Variants in IGSF10 observed in about 807,000 individuals in gnomAD.
IGSF10 encodes the protein immunoglobulin superfamily member 10, also known as calvaria mechanical force protein 608.
Under a neutral mutation model 128.2 loss-of-function variants are expected in IGSF10, and 126 were observed. The ratio of observed to expected loss-of-function variants is 0.98; its 90% confidence interval spans 0.85 to 1.14. The LOEUF (loss-of-function observed/expected upper bound fraction) is 1.14. IGSF10 is among the 50% of genes most tolerant of loss of function. The pLI is 0.00. For synonymous variants in IGSF10, 1,185 were observed against 1,146.2 expected, an observed-to-expected ratio of 1.03 and a Z score of -0.68; for missense variants, 3,295 against 3,149.8, an observed-to-expected ratio of 1.05 and a Z score of -1.10.
At chr3:151,553,894 A>G in the IGSF10 span, among the ~76,000 whole-genome samples, 1 of 151,938 alleles carries the variant, frequency 6.6e-6, no homozygotes, top group African/African-American at 2.4e-5. Context: ...TGGGAGGAGC[A>G]CTTGAAGACA....
the IGSF10 span, among the ~76,000 whole-genome samples, chr3:151,608,634 CTTTG>C: frequency 2.2e-4 from 33 of 152,234 alleles, 1 homozygote; most frequent in Admixed American, 1.2e-3. Context: ...CTTAACACTT[CTTTG>C]TTTGTTTGTC....
chr3:151,485,852 A>G, the IGSF10 span, among the ~76,000 whole-genome samples: 1 of 152,230 alleles, frequency 6.6e-6, no homozygotes, highest in South Asian at 2.1e-4. Flanking sequence ...AAGTCATACC[A>G]AATTGTGAAG....
At chr3:151,459,416 T>C (rs918323804) in intron 2 of IGSF10, among the ~76,000 whole-genome samples, 3 of 152,242 alleles carry the variant, frequency 2.0e-5, no homozygotes, top group Non-Finnish European at 1.5e-5. Flanking sequence ...AATAAATCTC[T>C]TTCTAACCGG....
chr3:151,433,840 T>C (rs1719797346), downstream of IGSF10: 1 of 152,672 alleles, frequency 6.5e-6, no homozygotes, highest in Non-Finnish European at 1.5e-5. Context: ...ACTGTCAGTG[T>C]CAGTCTTGGT....
At chr3:151,597,207 A>G in the IGSF10 span, among the ~76,000 whole-genome samples, 63 of 152,346 alleles carry the variant, frequency 4.1e-4, no homozygotes, top group African/African-American at 1.5e-3. Flanking sequence ...GGCACTGTGT[A>G]GGTGTTGTGG....
Position 151,445,033 on chromosome 3 carries a change from T to C in IGSF10, c.4948A>G (p.Ile1650Val), listed in dbSNP as rs372904845. 1 of 1,614,100 alleles carries C rather than the reference T, an allele frequency of 6.2e-7. No homozygotes were observed. Among genetic ancestry groups the C allele is most frequent in the Non-Finnish European group, 8.5e-7 (1 of 1,180,036 alleles). The change falls in exon 6 of 8, where the codon ATA (isoleucine) becomes GTA (valine). Residue 1650 changes from isoleucine (I) to valine (V), a missense_variant. By Grantham distance (29) the Ile-to-Val change is conservative. Coordinates refer to ENST00000282466, the MANE Select transcript of IGSF10 (RefSeq NM_178822.5). ...LSRYIFEKPR[I>V]VGGKAASFTI... ...AAACTTGCAGCTTTTCCTCCAACTATCCTGGGCTTTTCAAATATATACCTA... is the reference window on the plus strand; with the variant it reads ...AAACTTGCAGCTTTTCCTCCAACTACCCTGGGCTTTTCAAATATATACCTA...
intron 7 of IGSF10, chr3:151,440,789 C>A (rs1720809554): frequency 2.8e-6 from 1 of 360,414 alleles, no homozygotes; most frequent in Admixed American, 3.2e-5. Flanking sequence ...TTAGAATTTT[C>A]CGGATTAAAG....
At chr3:151,483,769 C>T in the IGSF10 span, among the ~76,000 whole-genome samples, 2 of 152,142 alleles carry the variant, frequency 1.3e-5, no homozygotes, top group African/African-American at 4.8e-5. Flanking sequence ...GCACTCTGGC[C>T]CAGATACTGA....
chr3:151,526,099 G>C, the IGSF10 span, among the ~76,000 whole-genome samples: 2 of 152,160 alleles, frequency 1.3e-5, no homozygotes, highest in African/African-American at 2.4e-5. Context: ...TATTTATCTA[G>C]CACATAACCA....
At chr3:151,476,206 A>G in the IGSF10 span, 3 of 152,210 alleles carry the variant, frequency 2.0e-5, no homozygotes, top group Non-Finnish European at 4.4e-5. Flanking sequence ...GTATAAAAAT[A>G]TGTTTTGAAG....
the IGSF10 span, among the ~76,000 whole-genome samples, chr3:151,483,734 G>A: frequency 6.6e-6 from 1 of 152,174 alleles, no homozygotes; most frequent in Non-Finnish European, 1.5e-5. Context: ...TCTTAGCCAA[G>A]GGAAGCCATT....
Position 151,447,920 on chromosome 3 carries a change from A to T in IGSF10, c.2061T>A (p.Ile687=), listed in dbSNP as rs865803603. ...CACCTGGTGGCTCCTTAAGATGAGCAATAGGATTGGACTCATCAAGTCCAG... is the reference window on the plus strand; with the variant it reads ...CACCTGGTGGCTCCTTAAGATGAGCTATAGGATTGGACTCATCAAGTCCAG... ...EGSGLDESNP[I]AHLKEPPGAQ... is the part of the protein sequence containing the mutation. Residue 687 remains isoleucine, a synonymous_variant, in exon 6 of 8, where the codon ATT becomes ATA. Coordinates refer to ENST00000282466, the MANE Select transcript of IGSF10 (RefSeq NM_178822.5). 1 of 1,614,018 alleles carries T rather than the reference A, an allele frequency of 6.2e-7. No individual in the cohort carries two copies. Among genetic ancestry groups the T allele is most frequent in the East Asian group, 2.2e-5 (1 of 44,886 alleles).
the IGSF10 span, among the ~76,000 whole-genome samples, chr3:151,504,818 A>G: frequency 4.3e-4 from 66 of 152,334 alleles, 1 homozygote; most frequent in South Asian, 0.013. Flanking sequence ...AGCTATAATC[A>G]ATGCAGCTGT....
the IGSF10 span, among the ~76,000 whole-genome samples, chr3:151,579,343 C>A: frequency 6.6e-6 from 1 of 152,092 alleles, no homozygotes; most frequent in African/African-American, 2.4e-5. Flanking sequence ...TGTCAAAAAA[C>A]AATGCAATCA....
At chr3:151,617,225 CTCT>C in the IGSF10 span, among the ~76,000 whole-genome samples, 6 of 126,214 alleles carry the variant, frequency 4.8e-5, no homozygotes, top group South Asian at 2.5e-4. Context: ...CTTCTTCCCC[CTCT>C]TCTTCTTCTT....
chr3:151,594,639 T>A, the IGSF10 span, among the ~76,000 whole-genome samples: 13 of 150,424 alleles, frequency 8.6e-5, no homozygotes, highest in South Asian at 4.2e-4. Context: ...TTTTTTTTTT[T>A]ATCAACTCTT....
At chr3:151,616,523 CA>C in the IGSF10 span, among the ~76,000 whole-genome samples, 4 of 152,012 alleles carry the variant, frequency 2.6e-5, no homozygotes, top group African/African-American at 9.7e-5. Flanking sequence ...CACACACTTC[CA>C]AAATAAATAC....
the IGSF10 span, among the ~76,000 whole-genome samples, chr3:151,585,243 T>A: frequency 6.6e-6 from 1 of 152,210 alleles, no homozygotes. Context: ...GTTGAAATGA[T>A]CATAATTTGG....
the IGSF10 span, among the ~76,000 whole-genome samples, chr3:151,569,241 T>C: frequency 6.6e-6 from 1 of 152,122 alleles, no homozygotes; most frequent in Non-Finnish European, 1.5e-5. Context: ...CCGGCAAAGT[T>C]TTGTAGTTTT....
Sources: allele counts gnomAD v4.1 joint callset (sites outside exome capture counted in the v4.1 genomes callset), GRCh38; gene constraint gnomAD v4.1.1; transcripts MANE v1.5; gene names NCBI Gene and HGNC (gene_info 2026-07-23, HGNC 2026-07-21).